The following EHMT1 variants were observed in gnomAD, a reference collection of about 807,000 sequenced individuals.
EHMT1 encodes histone-lysine N-methyltransferase EHMT1.
In EHMT1, 15 loss-of-function variants were observed where a neutral mutation model predicts 147.2. The observed-to-expected ratio is 0.10, with a 90% CI of 0.07 to 0.16. EHMT1 has a LOEUF of 0.16. Among genes scored for constraint, EHMT1 ranks in the 10% least tolerant of loss-of-function variants. The probability of loss-of-function intolerance (pLI) is 1.00; values close to 1 mark genes in which losing one functional copy is unlikely to be tolerated. For missense variants in EHMT1, 1,587 were observed against 1,772.4 expected (o/e 0.90, Z 1.88); for synonymous variants, 795 against 709.6 (o/e 1.12, Z -1.91).
rs1305928760 is a variant in EHMT1, at chr9:137,657,852, T to C, written c.21+38803T>C. On this transcript the variant is annotated intron_variant, in intron 1 of 26. Coordinates refer to ENST00000460843, the MANE Select transcript of EHMT1 (RefSeq NM_024757.5). ...CAGCCTCTGCAAACCATCCTTCTAC[T>C]TTTTTTTTTTAATACTGCTTCTACA... is the stretch of plus-strand genomic sequence containing the variant. Among the ~76,000 whole-genome samples, 6 of 81,536 alleles carry C rather than the reference T, an allele frequency of 7.4e-5. No homozygotes were observed. The East Asian group carries it at 1.7e-3, about 23-fold the overall frequency. 53.5% of individuals were successfully genotyped at this position (81,536 alleles called of 152,430 possible). A position where few individuals can be genotyped will look rare whatever the true frequency, so the allele number is the denominator to read the frequency against.
chr9:137,741,414 G>GCCTTTGTGGGCCACACTGTT (rs1273928636), intron 4 of EHMT1, among the ~76,000 whole-genome samples: 1 of 150,384 alleles, frequency 6.6e-6, no homozygotes, highest in Non-Finnish European at 1.5e-5. Flanking sequence ...AAACGTCAGC[G>GCCTTTGTGGGCCACACTGTT]CCTTTGTGGG....
At chr9:137,729,138 G>C (rs560706996) in intron 4 of EHMT1, among the ~76,000 whole-genome samples, 1 of 152,238 alleles carries the variant, frequency 6.6e-6, no homozygotes, top group African/African-American at 2.4e-5. Context: ...GGATGTGTGC[G>C]TTTGGCGCTG....
intron 1 of EHMT1, among the ~76,000 whole-genome samples, chr9:137,643,337 GTTT>G (rs71493685): frequency 3.6e-5 from 4 of 111,870 alleles, no homozygotes; most frequent in African/African-American, 3.6e-5. Context: ...GTGTATAAAG[GTTT>G]TTTTTTTTTT....
chr9:137,765,656 T>G (rs1183806746), intron 10 of EHMT1, among the ~76,000 whole-genome samples: 3 of 25,092 alleles, frequency 1.2e-4, no homozygotes, highest in African/African-American at 1.9e-4. Context: ...CTCCCCTCAC[T>G]GCCCCACTCC....
chr9:137,628,594 C>A (rs976371715), intron 1 of EHMT1, among the ~76,000 whole-genome samples: 2 of 152,160 alleles, frequency 1.3e-5, no homozygotes, highest in Non-Finnish European at 2.9e-5. Context: ...AAGCATTTTC[C>A]ATAAATCTTG....
chr9:137,697,071 A>C, intron 1 of EHMT1: 1 of 347,474 alleles, frequency 2.9e-6, no homozygotes, highest in Non-Finnish European at 6.0e-6. Flanking sequence ...GCTTGAGGTC[A>C]GGAGTTAGAG....
intron 16 of EHMT1, among the ~76,000 whole-genome samples, chr9:137,793,605 A>G (rs1952688292): frequency 6.6e-6 from 1 of 152,260 alleles, no homozygotes; most frequent in African/African-American, 2.4e-5. Flanking sequence ...TGTTTACTGC[A>G]GCATTGTTCA....
chr9:137,733,758 C>A (rs1332545075), intron 4 of EHMT1, among the ~76,000 whole-genome samples: 3 of 152,160 alleles, frequency 2.0e-5, no homozygotes, highest in Non-Finnish European at 2.9e-5. Flanking sequence ...CTCCCCACTT[C>A]ATTTTTATTG....
intron 25 of EHMT1, among the ~76,000 whole-genome samples, chr9:137,833,152 C>T (rs573198789): frequency 2.6e-5 from 4 of 152,352 alleles, no homozygotes; most frequent in Middle Eastern, 3.4e-3. Flanking sequence ...CTCTTGACCT[C>T]TGAGCGTCCC....
At chr9:137,653,733 G>T (rs913460846) in intron 1 of EHMT1, among the ~76,000 whole-genome samples, 1 of 152,066 alleles carries the variant, frequency 6.6e-6, no homozygotes, top group African/African-American at 2.4e-5. Flanking sequence ...ACTCCATGTT[G>T]CCCACGCTGG....
chr9:137,803,044 G>T (rs746383137), intron 18 of EHMT1: 24 of 1,231,044 alleles, frequency 1.9e-5, no homozygotes, highest in Non-Finnish European at 2.4e-5. Context: ...CCCGGAGACT[G>T]CGTGGCGGGG....
In EHMT1 at chr9:137,731,759, G is replaced by T. The variant is rs547356651; in HGVS notation, c.823+3230G>T. 6.6e-6 allele frequency among the ~76,000 whole-genome samples: 1 copy of T among 152,116 alleles called. No individual in the cohort carries two copies. The highest frequency in any genetic ancestry group is 2.4e-5 in the African/African-American group (1 of 41,424). ...TACCGGCCCAGATCCCACACCTTCC[G>T]AGGGCAAGCCAGGAGTGGAGCAGCG... On this transcript the variant is annotated intron_variant, in intron 4 of 26. Coordinates refer to ENST00000460843, the MANE Select transcript of EHMT1 (RefSeq NM_024757.5). This position sits in a 1 kb window ranked among gnomAD's most constrained non-coding sequence, Gnocchi z 4.3.
intron 17 of EHMT1, among the ~76,000 whole-genome samples, 162 bp downstream of exon 17, chr9:137,799,076 C>T (rs1022749401): frequency 5.5e-5 from 8 of 144,272 alleles, no homozygotes; most frequent in South Asian, 4.4e-4. Context: ...AGGGCCAGCT[C>T]GGACCCTCCA....
chr9:137,634,021 C>G (rs1371843126), intron 1 of EHMT1, among the ~76,000 whole-genome samples: 3 of 152,106 alleles, frequency 2.0e-5, no homozygotes, highest in Admixed American at 6.6e-5. Flanking sequence ...CCATGTTGTT[C>G]AGGCTGGTCT....
chr9:137,759,143 AAACAACAACAGCAGC>A (rs1949613206), intron 9 of EHMT1, among the ~76,000 whole-genome samples: 2 of 152,040 alleles, frequency 1.3e-5, no homozygotes, highest in African/African-American at 4.8e-5. Flanking sequence ...AAAAAACAAA[AAACAACAACAGCAGC>A]AACAACAACA....
chr9:137,814,725 G>C, intron 22 of EHMT1: 3 of 632,096 alleles, frequency 4.7e-6, no homozygotes, highest in African/African-American at 1.8e-5. Context: ...CCTGGGGCTG[G>C]GGTCTGCATC....
At chr9:137,745,430 T>G (rs1387119515) in intron 6 of EHMT1, 4 of 398,294 alleles carry the variant, frequency 1.0e-5, no homozygotes, top group Non-Finnish European at 1.3e-5. Context: ...TAAAAATTTT[T>G]TATTTTAAGA....
intron 10 of EHMT1, among the ~76,000 whole-genome samples, 161 bp from the exon 11 acceptor site, chr9:137,774,948 C>G (rs945019186): frequency 6.6e-6 from 1 of 152,176 alleles, no homozygotes; most frequent in Non-Finnish European, 1.5e-5. Flanking sequence ...AGCAGGTGCT[C>G]GATAAGTGCT....
chr9:137,666,671 T>C (rs1564557697), intron 1 of EHMT1, among the ~76,000 whole-genome samples: 1 of 152,146 alleles, frequency 6.6e-6, no homozygotes. Context: ...GAACAGAGCC[T>C]CCCCCTCGGA....
Sources: allele counts gnomAD v4.1 joint callset (sites outside exome capture counted in the v4.1 genomes callset), GRCh38; gene constraint gnomAD v4.1.1; non-coding constraint Gnocchi (gnomAD v3.1); transcripts MANE v1.5; gene names NCBI Gene and HGNC (gene_info 2026-07-23, HGNC 2026-07-21).